BCL2: variants seen among roughly 807,000 people sequenced by gnomAD.
BCL2 encodes the protein apoptosis regulator Bcl-2.
Under a neutral mutation model 14.2 loss-of-function variants are expected in BCL2, and 1 was observed. The observed-to-expected ratio is 0.07, with a 90% CI of 0.02 to 0.33. The LOEUF (loss-of-function observed/expected upper bound fraction) is 0.33, where lower values mean the gene tolerates loss of function less well. Among genes scored for constraint, BCL2 ranks in the 10% least tolerant of loss-of-function variants. The pLI is 0.99. For synonymous variants in BCL2, 151 were observed against 137.2 expected, an observed-to-expected ratio of 1.10 and a Z score of -0.70; for missense variants, 247 against 305.9, an observed-to-expected ratio of 0.81 and a Z score of 1.44.
chr18:63,185,332 T>A (rs1022808457), intron 2 of BCL2, among the ~76,000 whole-genome samples: 4 of 152,248 alleles, frequency 2.6e-5, no homozygotes, highest in African/African-American at 9.6e-5. Flanking sequence ...TTCTAACGTC[T>A]GACTATTTGT....
intron 2 of BCL2, among the ~76,000 whole-genome samples, chr18:63,141,055 G>A (rs1289657371): frequency 6.6e-6 from 1 of 152,024 alleles, no homozygotes; most frequent in East Asian, 1.9e-4. Context: ...GGGGTCGGAT[G>A]CATGAGCAGC....
chr18:63,318,418 CCCCGCGGCGGCGCCGGGGGCAG>C lies in BCL2; in HGVS notation c.227_248del (p.Ala76GlyfsTer13). 1 of 1,501,054 alleles carries C rather than the reference CCCCGCGGCGGCGCCGGGGGCAG, an allele frequency of 6.7e-7. No individual in the cohort carries two copies. Among genetic ancestry groups the C allele is most frequent in the Non-Finnish European group, 8.8e-7 (1 of 1,135,046 alleles). The allele number at this position is 1,501,054 out of a possible 1,614,324, so 93.0% of individuals were successfully genotyped here. The stretch of plus-strand genomic sequence containing the variant: ...CAGGTGGCACCGGGCTGAGCGCAGG[CCCCGCGGCGGCGCCGGGGGCAG>C]CCGGGGTCTGCAGCGGCGAGGTCCT... On this transcript the variant is annotated frameshift_variant, in exon 2 of 3. Transcript: ENST00000333681. LOFTEE classifies it high-confidence loss of function. This position sits in a 1 kb window ranked among gnomAD's most constrained non-coding sequence, Gnocchi z 7.4.
intron 2 of BCL2, among the ~76,000 whole-genome samples, chr18:63,228,698 T>C (rs935409248): frequency 1.6e-5 from 2 of 126,868 alleles, no homozygotes; most frequent in Admixed American, 1.8e-4. Context: ...AAACAGACTT[T>C]ACAGCCAAAA....
At chr18:63,284,538 C>A (rs1372773196) in intron 2 of BCL2, among the ~76,000 whole-genome samples, 2 of 152,202 alleles carry the variant, frequency 1.3e-5, no homozygotes, top group Non-Finnish European at 2.9e-5. Flanking sequence ...CTTTGCCTGG[C>A]ATGTATGCGC....
At chr18:63,198,149 AAG>A (rs1341151248) in intron 2 of BCL2, among the ~76,000 whole-genome samples, 1 of 151,958 alleles carries the variant, frequency 6.6e-6, no homozygotes, top group Non-Finnish European at 1.5e-5. Flanking sequence ...TGTATACGCA[AAG>A]ATGTAGAGAC....
chr18:63,274,726 C>A (rs1470956855), intron 2 of BCL2, among the ~76,000 whole-genome samples: 4 of 152,134 alleles, frequency 2.6e-5, no homozygotes, highest in Non-Finnish European at 5.9e-5. Flanking sequence ...CGCGGAGGAC[C>A]TAGTAAAACC....
intron 2 of BCL2, among the ~76,000 whole-genome samples, chr18:63,291,698 C>T (rs368509183): frequency 2.7e-5 from 4 of 149,370 alleles, no homozygotes; most frequent in South Asian, 2.1e-4. Flanking sequence ...CACTATCAAC[C>T]GAGGCCCTGG....
chr18:63,222,616 G>A (rs1910429444), intron 2 of BCL2, among the ~76,000 whole-genome samples: 1 of 152,222 alleles, frequency 6.6e-6, no homozygotes, highest in African/African-American at 2.4e-5. Context: ...AGGTTAGACA[G>A]TAGAGTAACA....
At chr18:63,306,884 C>T (rs1016267796) in intron 2 of BCL2, among the ~76,000 whole-genome samples, 146 of 147,874 alleles carry the variant, frequency 9.9e-4, no homozygotes, top group East Asian at 3.9e-4. Flanking sequence ...TTCGTGTTAG[C>T]GTATTTTACG....
At chr18:63,272,538 T>A (rs1256477802) in intron 2 of BCL2, among the ~76,000 whole-genome samples, 1 of 152,212 alleles carries the variant, frequency 6.6e-6, no homozygotes, top group African/African-American at 2.4e-5. Context: ...TTTGTTTGTT[T>A]GATTTTTGAA....
At position 63,124,581 on chromosome 18, in the gene BCL2, A is replaced by G. The variant is rs949128232; in HGVS notation, c.*4044T>C. ...CCTGATCCAAACTTGGGAATGTTTT[A>G]CATTTAAAAATTCTTCCTCCCTCCC... On this transcript the variant is annotated 3_prime_UTR_variant, in exon 3 of 3. Coordinates refer to ENST00000333681, the MANE Select transcript of BCL2 (RefSeq NM_000633.3). 3 of 232,404 alleles carry G rather than the reference A, an allele frequency of 1.3e-5. No individual in the cohort carries two copies. Among genetic ancestry groups the G allele is most frequent in the African/African-American group, 6.6e-5 (3 of 45,252 alleles). 14.4% of individuals were successfully genotyped at this position (232,404 alleles called of 1,614,324 possible). A position where few individuals can be genotyped will look rare whatever the true frequency, so the allele number is the denominator to read the frequency against.
intron 2 of BCL2, among the ~76,000 whole-genome samples, chr18:63,266,637 TCA>T (rs1240438012): frequency 1.1e-3 from 98 of 86,004 alleles, no homozygotes; most frequent in African/African-American, 1.8e-3. Flanking sequence ...TCTCTCTCTC[TCA>T]CACACACACA....
intron 2 of BCL2, among the ~76,000 whole-genome samples, chr18:63,252,045 C>T (rs921427035): frequency 6.6e-6 from 1 of 152,148 alleles, no homozygotes; most frequent in Admixed American, 6.5e-5. Flanking sequence ...TTTATTCAAT[C>T]TTAAGTACTG....
chr18:63,215,601 C>G (rs916045330), intron 2 of BCL2, among the ~76,000 whole-genome samples: 3 of 152,046 alleles, frequency 2.0e-5, no homozygotes, highest in African/African-American at 7.2e-5. Flanking sequence ...AAGGCTGATG[C>G]CACTGGCAAT....
Position 63,170,117 on chromosome 18 carries a change from C to T in BCL2, c.586-41358G>A, listed in dbSNP as rs902552696. Among the ~76,000 whole-genome samples the T allele has an allele frequency of 2.0e-5, 3 of 152,106 alleles. No homozygotes were observed. The East Asian group carries it at 5.8e-4, about 29-fold the overall frequency. ...ATGACCTTGCGCAAGCTGCTAAATG[C>T]CTCTGTGCCTCAGTTTTTTTCATCT... On this transcript the variant is annotated intron_variant, in intron 2 of 2. Transcript: ENST00000333681.
At chr18:63,134,584 T>C (rs1003319301) in intron 2 of BCL2, among the ~76,000 whole-genome samples, 2 of 152,136 alleles carry the variant, frequency 1.3e-5, no homozygotes, top group Admixed American at 6.5e-5. Flanking sequence ...TATAAGCAAA[T>C]TCGAAATTCA....
chr18:63,146,556 G>A (rs780864024), intron 2 of BCL2, among the ~76,000 whole-genome samples: 4 of 152,228 alleles, frequency 2.6e-5, no homozygotes, highest in Non-Finnish European at 4.4e-5. Flanking sequence ...TGTGGTTATG[G>A]GACAACTGGA....
chr18:63,267,781 T>C (rs930397117), intron 2 of BCL2, among the ~76,000 whole-genome samples: 11 of 152,226 alleles, frequency 7.2e-5, no homozygotes, highest in Non-Finnish European at 2.9e-5. Flanking sequence ...CAAAGGAGAC[T>C]TTGGAGAAGG....
chr18:63,305,034 T>A (rs1360055351), intron 2 of BCL2, among the ~76,000 whole-genome samples: 1 of 152,198 alleles, frequency 6.6e-6, no homozygotes, highest in East Asian at 1.9e-4. Flanking sequence ...ATCCTACTAC[T>A]GTCCCTTCAG....
Sources: gnomAD v4.1 joint callset for allele counts (sites outside exome capture counted in the v4.1 genomes callset) on GRCh38, gnomAD v4.1.1 for gene constraint, Gnocchi (gnomAD v3.1) non-coding constraint, MANE v1.5 for transcripts, NCBI Gene and HGNC (gene_info 2026-07-23, HGNC 2026-07-21) for gene names.